Variants in DPP9 observed in about 807,000 individuals in gnomAD.
DPP9 encodes dipeptidyl peptidase IV-related protein-2.
In DPP9, 50 loss-of-function variants were observed where a neutral mutation model predicts 110.7. That is an observed-to-expected ratio of 0.45 (90% CI 0.36 to 0.57). The LOEUF is 0.57. Ranked by LOEUF, DPP9 falls within the 20% of genes least tolerant of loss-of-function variation. The pLI is 0.00. For synonymous variants in DPP9, 561 were observed against 514.4 expected, an observed-to-expected ratio of 1.09 and a Z score of -1.23; for missense variants, 1,022 against 1,217.9, an observed-to-expected ratio of 0.84 and a Z score of 2.39.
At chr19:4,691,581 G>A (rs2091318895) in intron 13 of DPP9, among the ~76,000 whole-genome samples, 1 of 151,712 alleles carries the variant, frequency 6.6e-6, no homozygotes. Context: ...ACATCTGTGT[G>A]TGGCACGGGA....
intron 4 of DPP9, among the ~76,000 whole-genome samples, chr19:4,707,970 G>A (rs1015669247): frequency 5.9e-5 from 9 of 152,086 alleles, no homozygotes; most frequent in East Asian, 1.9e-4. Flanking sequence ...CAAGCTCGCC[G>A]CCTCTGGGAT....
At position 4,695,293 on chromosome 19, in the gene DPP9, G is replaced by A. The variant is rs2091697577; in HGVS notation, c.1353+85C>T. The A allele has an allele frequency of 2.2e-6, 3 of 1,393,356 alleles. No homozygotes were observed. Among genetic ancestry groups the A allele is most frequent in the Admixed American group, 2.7e-5 (1 of 36,790 alleles). 86.3% of individuals were successfully genotyped at this position (1,393,356 alleles called of 1,614,324 possible). On this transcript the variant is annotated intron_variant, in intron 12 of 21. Transcript: ENST00000262960. The surrounding 1 kb of genome is among the most constrained non-coding windows in gnomAD (Gnocchi z 4.7). ...CAAGGGCAAACACCACCTGCCATTG[G>A]CGCTCAGCCTTCTAGGACGTGGGGG...
chr19:4,683,446 G>A (rs756526033), intron 19 of DPP9, 31 bp downstream of exon 19: 12 of 1,611,618 alleles, frequency 7.4e-6, no homozygotes, highest in African/African-American at 1.3e-5. Flanking sequence ...AGGGAGGGGC[G>A]TGGCTGAGGC....
rs1486657942 is a variant in DPP9, at chr19:4,695,566, A to G, written c.1176-11T>C. ...AACATGGCCCAGGCGCTAAGGGGGA[A>G]GATGCGGGGGAAGATGAGAGGGAAG... On this transcript the variant is annotated splice_polypyrimidine_tract_variant and intron_variant, in intron 11 of 21. Coordinates refer to ENST00000262960, the MANE Select transcript of DPP9 (RefSeq NM_139159.5). The surrounding 1 kb of genome is among the most constrained non-coding windows in gnomAD (Gnocchi z 4.7). 5 of 1,461,202 alleles carry G rather than the reference A, an allele frequency of 3.4e-6. No homozygotes were observed. Among genetic ancestry groups the G allele is most frequent in the Non-Finnish European group, 3.6e-6 (4 of 1,108,018 alleles). The allele number at this position is 1,461,202 out of a possible 1,614,324, so 90.5% of individuals were successfully genotyped here. A position where few individuals can be genotyped will look rare whatever the true frequency, so the allele number is the denominator to read the frequency against.
chr19:4,690,815 G>T, intron 14 of DPP9, 63 bp downstream of exon 14: 1 of 1,266,906 alleles, frequency 7.9e-7, no homozygotes, highest in South Asian at 1.2e-5. Context: ...GTGTGTGTGT[G>T]AGTGTATGTG....
rs2090573611 is a variant in DPP9 at position 4,685,540 on chromosome 19, C to T, written c.2031+86G>A. ...TAGCCGGGGAGCCTCCTCTGGTTGACTGTTCTACAGCTGGCACTTGAGTGG... is the reference window on the plus strand; with the variant it reads ...TAGCCGGGGAGCCTCCTCTGGTTGATTGTTCTACAGCTGGCACTTGAGTGG... On this transcript the variant is annotated intron_variant, in intron 17 of 21. Coordinates refer to ENST00000262960, the MANE Select transcript of DPP9 (RefSeq NM_139159.5). The surrounding 1 kb of genome is among the most constrained non-coding windows in gnomAD (Gnocchi z 5.8). 1 of 1,402,798 alleles carries T rather than the reference C, an allele frequency of 7.1e-7. No individual in the cohort carries two copies. The highest frequency in any genetic ancestry group is 9.8e-7 in the Non-Finnish European group (1 of 1,024,762). The allele number at this position is 1,402,798 out of a possible 1,614,324, so 86.9% of individuals were successfully genotyped here.
At position 4,694,479 on chromosome 19, in the gene DPP9, T is replaced by C; in HGVS notation, c.1516+182A>G. On this transcript the variant is annotated intron_variant, in intron 13 of 21. Coordinates refer to ENST00000262960, the MANE Select transcript of DPP9 (RefSeq NM_139159.5). The surrounding 1 kb of genome is among the most constrained non-coding windows in gnomAD (Gnocchi z 4.0). ...TCTGCTGCCTGAATAAGCCAACAGT[T>C]GGGTGCTCTAAGCCCTGCCAGATCA... The C allele has an allele frequency of 2.7e-6, 2 of 735,036 alleles. No individual in the cohort carries two copies. Among genetic ancestry groups the C allele is most frequent in the Non-Finnish European group, 4.3e-6 (2 of 459,982 alleles). 45.5% of individuals were successfully genotyped at this position (735,036 alleles called of 1,614,324 possible).
rs2093241436 is a variant in DPP9, at chr19:4,719,873, C to T, written c.34G>A (p.Glu12Lys). The T allele has an allele frequency of 6.4e-7, 1 of 1,551,650 alleles. No homozygotes were observed. Among genetic ancestry groups the T allele is most frequent in the Non-Finnish European group, 8.7e-7 (1 of 1,147,014 alleles). The change falls in exon 3 of 22, where the codon GAG becomes AAG. Residue 12 changes from glutamate (E) to lysine (K), a missense_variant. This residue lies in a region of DPP9 where 810 missense variants were observed against 920.6 expected (regional missense o/e 0.88). Coordinates refer to ENST00000262960, the MANE Select transcript of DPP9 (RefSeq NM_139159.5). ...CACCTTCTCCAACTTCCGGTGTTCT[C>T]CTTGTCCAGGCGCAGTTTCTTAACC... is the stretch of plus-strand genomic sequence containing the variant. ...RKVKKLRLDK[E>K]NTGSWRSFSL...
At chr19:4,686,385 T>C (rs866749978) in intron 16 of DPP9, among the ~76,000 whole-genome samples, 4 of 149,818 alleles carry the variant, frequency 2.7e-5, no homozygotes, top group Middle Eastern at 7.0e-3. Context: ...AGTGGCACGA[T>C]CTTGGTTCAC....
intron 2 of DPP9, among the ~76,000 whole-genome samples, chr19:4,721,773 G>C (rs2093333883): frequency 6.6e-6 from 1 of 152,166 alleles, no homozygotes; most frequent in Admixed American, 6.6e-5. Context: ...GCGAGGTTCT[G>C]TCTCAAAAAC....
chr19:4,706,330 C>CAAA (rs59568017), intron 4 of DPP9, among the ~76,000 whole-genome samples: 34 of 105,686 alleles, frequency 3.2e-4, no homozygotes, highest in African/African-American at 1.0e-3. Context: ...GGCCCCGTCT[C>CAAA]AAAAAAAAAA....
At chr19:4,719,519 T>G (rs558553906) in intron 3 of DPP9, 3 of 362,668 alleles carry the variant, frequency 8.3e-6, no homozygotes, top group Middle Eastern at 8.6e-4. Flanking sequence ...AGCAAACACT[T>G]GGTGACATCT....
chr19:4,722,800 C>G (rs934764748), intron 1 of DPP9: 3 of 457,678 alleles, frequency 6.6e-6, no homozygotes, highest in Non-Finnish European at 1.2e-5. Flanking sequence ...ACGGTCCACA[C>G]CCCCTGGGCT....
chr19:4,722,310 G>A (rs56077669), intron 2 of DPP9, 189 bp downstream of exon 2: 64 of 574,074 alleles, frequency 1.1e-4, no homozygotes, highest in African/African-American at 1.5e-4. Flanking sequence ...GGCAGCTAGA[G>A]GGGGACAGGG....
In DPP9 at chr19:4,676,976, C is replaced by A. The variant is rs1018707425; in HGVS notation, c.2587-320G>T. Among the ~76,000 whole-genome samples the A allele has an allele frequency of 3.9e-5, 6 of 152,182 alleles. No individual in the cohort carries two copies. Among genetic ancestry groups the A allele is most frequent in the Non-Finnish European group, 8.8e-5 (6 of 68,032 alleles). On this transcript the variant is annotated intron_variant, in intron 21 of 21. Coordinates refer to ENST00000262960, the MANE Select transcript of DPP9 (RefSeq NM_139159.5). This position sits in a 1 kb window ranked among gnomAD's most constrained non-coding sequence, Gnocchi z 4.0. ...TGCCTCTTTCCCCCAAACCGGCTGA[C>A]GGGCGACCAACTCATCTCTGTGGAG... is the stretch of plus-strand genomic sequence containing the variant.
chr19:4,707,143 T>C (rs1360962107), intron 4 of DPP9, among the ~76,000 whole-genome samples: 1 of 152,190 alleles, frequency 6.6e-6, no homozygotes, highest in Middle Eastern at 3.2e-3. Flanking sequence ...GTAAGAAACG[T>C]AAAGCTCTCG....
chr19:4,690,404 A>C (rs1212138777), intron 14 of DPP9, among the ~76,000 whole-genome samples: 2 of 152,172 alleles, frequency 1.3e-5, no homozygotes, highest in Non-Finnish European at 2.9e-5. Flanking sequence ...AGGCAGCTGG[A>C]GCGTGGGGTG....
intron 2 of DPP9, among the ~76,000 whole-genome samples, chr19:4,720,615 C>T (rs1281675895): frequency 2.0e-5 from 3 of 152,166 alleles, no homozygotes; most frequent in African/African-American, 7.2e-5. Context: ...CAACTGGGGG[C>T]GATTTGGCCC....
chr19:4,702,084 C>G lies in DPP9; in HGVS notation c.955G>C (p.Val319Leu). ...CTTTCTTCTAGCGCAGGAGAGGGGA[C>G]GTGAATGACCTCCACCTCGGACTCA... ...VDESEVEVIH[V>L]PSPALEERKT... Residue 319 changes from valine (V) to leucine (L), a missense_variant, in exon 9 of 22, where the codon GTC becomes CTC. Coordinates refer to ENST00000262960, the MANE Select transcript of DPP9 (RefSeq NM_139159.5). 1 of 1,613,932 alleles carries G rather than the reference C, an allele frequency of 6.2e-7. No homozygotes were observed. Among genetic ancestry groups the G allele is most frequent in the Non-Finnish European group, 8.5e-7 (1 of 1,179,840 alleles).
Sources: allele counts gnomAD v4.1 joint callset (sites outside exome capture counted in the v4.1 genomes callset), GRCh38; gene constraint gnomAD v4.1.1; regional missense constraint gnomAD v4.1.1; non-coding constraint Gnocchi (gnomAD v3.1); transcripts MANE v1.5; gene names NCBI Gene and HGNC (gene_info 2026-07-23, HGNC 2026-07-21).